UNC45B: variants seen among roughly 807,000 people sequenced by gnomAD.
UNC45B encodes the protein protein unc-45 homolog B.
Under a neutral mutation model 98.7 loss-of-function variants are expected in UNC45B, and 78 were observed. The observed-to-expected ratio is 0.79, with a 90% CI of 0.66 to 0.95. The LOEUF is 0.95. UNC45B is among the 40% of genes least tolerant of loss of function. The pLI, the probability that UNC45B is intolerant of heterozygous loss-of-function variation, is 0.00. For missense variants in UNC45B, 1,225 were observed against 1,184.9 expected (o/e 1.03, Z -0.50); for synonymous variants, 462 against 480.4 (o/e 0.96, Z 0.50).
chr17:35,153,910 T>A (rs1047132529), intron 5 of UNC45B, among the ~76,000 whole-genome samples: 1 of 152,132 alleles, frequency 6.6e-6, no homozygotes. Context: ...CTGGAGCCTT[T>A]TATTTTAAGG....
chr17:35,174,766 A>T (rs766357601), intron 14 of UNC45B, among the ~76,000 whole-genome samples: 2 of 151,836 alleles, frequency 1.3e-5, no homozygotes, highest in Non-Finnish European at 2.9e-5. Context: ...GCTGCAGTGA[A>T]TGATGATGGT....
chr17:35,159,898 C>T (rs2092090706), intron 8 of UNC45B, among the ~76,000 whole-genome samples: 1 of 152,204 alleles, frequency 6.6e-6, no homozygotes, highest in African/African-American at 2.4e-5. Context: ...GAAATTGCAT[C>T]AAGTATAGTT....
At chr17:35,157,294 C>T (rs965277999) in intron 7 of UNC45B, among the ~76,000 whole-genome samples, 7 of 151,952 alleles carry the variant, frequency 4.6e-5, no homozygotes, top group African/African-American at 1.2e-4. Context: ...GGCTGGAGTG[C>T]GGTGGCACGA....
chr17:35,171,135 C>T (rs1390308169), intron 12 of UNC45B, among the ~76,000 whole-genome samples, 187 bp from the exon 13 acceptor site: 2 of 152,198 alleles, frequency 1.3e-5, no homozygotes, highest in Non-Finnish European at 2.9e-5. Flanking sequence ...GTGCAGGAGA[C>T]ACTGCTGCCT....
At position 35,164,070 on chromosome 17, in the gene UNC45B, G is replaced by C; in HGVS notation, c.1055G>C (p.Arg352Pro). The change falls in exon 9 of 20, where the codon CGC becomes CCC. Residue 352 changes from arginine to proline, a missense_variant. Coordinates refer to ENST00000394570, the MANE Select transcript of UNC45B (RefSeq NM_001267052.2). ...PSCLPLTDNTRMLASILINKL... is the reference protein window; with the variant it reads ...PSCLPLTDNTPMLASILINKL... ...TGCCTGCCCCTGACTGACAACACCC[G>C]CATGCTGGCCTCTATCCTCATCAAC... 1 of 1,614,018 alleles carries C rather than the reference G, an allele frequency of 6.2e-7. No individual in the cohort carries two copies. The highest frequency in any genetic ancestry group is 8.5e-7 in the Non-Finnish European group (1 of 1,179,982).
At chr17:35,180,435 A>G (rs2142597829) in intron 17 of UNC45B, 124 bp from the exon 18 acceptor site, 2 of 729,104 alleles carry the variant, frequency 2.7e-6, no homozygotes, top group Non-Finnish European at 4.7e-6. Context: ...CACATAAACC[A>G]TGCTGGCTGA....
chr17:35,154,704 G>C lies in UNC45B; in HGVS notation c.602G>C (p.Arg201Pro). 6.2e-7 allele frequency: 1 copy of C among 1,606,304 alleles called. No homozygotes were observed. The highest frequency in any genetic ancestry group is 1.1e-5 in the South Asian group (1 of 90,052). The change falls in exon 6 of 20, where the codon CGG becomes CCG. Residue 201 changes from arginine to proline, a missense_variant. By Grantham distance (103) the Arg-to-Pro change is moderately radical. Transcript: ENST00000394570. The stretch of plus-strand genomic sequence containing the variant: ...CCTGAGCTGGTGCTGGCTGCAGTGC[G>C]GACCCTGTCGGGCATGTGCAGCGGC... ...KKPELVLAAV[R>P]TLSGMCSGHQ...
intron 13 of UNC45B, among the ~76,000 whole-genome samples, chr17:35,171,738 G>A (rs1343731872): frequency 2.6e-5 from 4 of 152,192 alleles, no homozygotes. Context: ...AATTTGTGTT[G>A]TTGATTTTAT....
Position 35,186,385 on chromosome 17 carries a change from C to T in UNC45B, c.2616C>T (p.Asn872=), listed in dbSNP as rs1234192257. The part of the protein sequence containing the change: ...VQHRGLVIAY[N]LLAADAELAK... ...ACCGGGGCCTGGTCATTGCCTACAA[C>T]CTACTGGCAGCCGATGCTGAGCTGG... Residue 872 remains asparagine (N), a synonymous_variant, in exon 20 of 20, where the codon AAC becomes AAT. Coordinates refer to ENST00000394570, the MANE Select transcript of UNC45B (RefSeq NM_001267052.2). 2.5e-6 allele frequency: 4 copies of T among 1,614,092 alleles called. No homozygotes were observed. Among genetic ancestry groups the T allele is most frequent in the South Asian group, 1.1e-5 (1 of 91,090 alleles).
At chr17:35,167,880 A>G (rs1478463698) in intron 9 of UNC45B, among the ~76,000 whole-genome samples, 181 bp from the exon 10 acceptor site, 1 of 152,180 alleles carries the variant, frequency 6.6e-6, no homozygotes. Context: ...TCTGAGAACT[A>G]GTAGTACTAT....
At chr17:35,174,514 G>T (rs2092213155) in intron 14 of UNC45B, 145 bp downstream of exon 14, 2 of 1,230,856 alleles carry the variant, frequency 1.6e-6, no homozygotes, top group Non-Finnish European at 1.1e-6. Flanking sequence ...GGTCTGAGGG[G>T]ATCAGCTTTG....
At chr17:35,164,278 AC>A in intron 9 of UNC45B, 112 bp downstream of exon 9, 1 of 1,307,802 alleles carries the variant, frequency 7.6e-7, no homozygotes, top group Non-Finnish European at 1.0e-6. Flanking sequence ...ATTATCTCAC[AC>A]CAGAACAGAA....
Position 35,186,295 on chromosome 17 carries a change from C to T in UNC45B, c.2530-4C>T. On this transcript the variant is annotated splice_region_variant and splice_polypyrimidine_tract_variant and intron_variant, in intron 19 of 19. Transcript: ENST00000394570. Reference sequence around the variant, plus strand: ...ACCTTCCTTACCTTTTTCCCTGCCTCCAGACAACCCAGTGGTTGGAGATCC... The same window carrying T: ...ACCTTCCTTACCTTTTTCCCTGCCTTCAGACAACCCAGTGGTTGGAGATCC... 4 of 1,613,328 alleles carry T rather than the reference C, an allele frequency of 2.5e-6. No homozygotes were observed. Among genetic ancestry groups the T allele is most frequent in the Non-Finnish European group, 3.4e-6 (4 of 1,179,800 alleles).
chr17:35,176,111 C>T, intron 15 of UNC45B, 77 bp downstream of exon 15: 3 of 1,446,852 alleles, frequency 2.1e-6, no homozygotes, highest in Admixed American at 1.7e-5. Flanking sequence ...GTACCCTCTG[C>T]CCCAACTCGA....
Position 35,177,028 on chromosome 17 carries a change from C to G in UNC45B, c.2037C>G (p.Pro679=), listed in dbSNP as rs148001760. The G allele has an allele frequency of 6.2e-7, 1 of 1,613,974 alleles. No homozygotes were observed. The highest frequency in any genetic ancestry group is 8.5e-7 in the Non-Finnish European group (1 of 1,179,882). ...VAQGGGKALI[P]LALEGTDVGK... ...GCCCTTTCTTGCAGGCCCTGATTCC[C>G]CTGGCTTTGGAGGGCACAGATGTGG... The change falls in exon 16 of 20, where the codon CCC becomes CCG. Residue 679 remains proline (P), a synonymous_variant. Transcript: ENST00000394570.
Position 35,180,665 on chromosome 17 carries a change from C to CTCCA in UNC45B, c.2363_2366dup (p.Lys790ProfsTer11). 1 of 1,613,098 alleles carries CTCCA rather than the reference C, an allele frequency of 6.2e-7. No homozygotes were observed. Among genetic ancestry groups the CTCCA allele is most frequent in the South Asian group, 1.1e-5 (1 of 90,958 alleles). ...CACCGAGTGCATGTGCAACATGGTG[C>CTCCA]TCCACAAGGAGGTGAGGCAGGGGCT... On this transcript the variant is annotated frameshift_variant, in exon 18 of 20. Coordinates refer to ENST00000394570, the MANE Select transcript of UNC45B (RefSeq NM_001267052.2). LOFTEE classifies it high-confidence loss of function.
chr17:35,148,020 C>T (rs1403183274), intron 1 of UNC45B, 110 bp downstream of exon 1: 3 of 518,152 alleles, frequency 5.8e-6, no homozygotes, highest in African/African-American at 1.9e-5. Flanking sequence ...TTCGCCTGCT[C>T]AGGCTGGGAG....
chr17:35,147,996 A>C (rs2091985893), intron 1 of UNC45B, 86 bp downstream of exon 1: 2 of 467,406 alleles, frequency 4.3e-6, no homozygotes, highest in Non-Finnish European at 7.8e-6. Context: ...GGCCTTTGGC[A>C]CAAACTAAGC....
rs776516841 is a variant in UNC45B at position 35,177,510 on chromosome 17, C to T, written c.2155C>T (p.Arg719Trp). The T allele has an allele frequency of 1.7e-5, 26 of 1,562,164 alleles. No individual in the cohort carries two copies. Among genetic ancestry groups the T allele is most frequent in the African/African-American group, 1.4e-4 (10 of 73,456 alleles). Residue 719 changes from arginine to tryptophan, a missense_variant, in exon 17 of 20, where the codon CGG (arginine) becomes TGG (tryptophan). By Grantham distance (101) the Arg-to-Trp change is moderately radical. Transcript: ENST00000394570. ...TCCCCAACAGGTGTATGAGGTGGTG[C>T]GGCCCCTTGTAAGACTCTTGGACAC... ...FPGERVYEVV[R>W]PLVRLLDTQR...
Sources: gnomAD v4.1 joint callset for allele counts (sites outside exome capture counted in the v4.1 genomes callset) on GRCh38, gnomAD v4.1.1 for gene constraint, MANE v1.5 for transcripts, NCBI Gene and HGNC (gene_info 2026-07-23, HGNC 2026-07-21) for gene names.